Variants in ETFA observed in about 807,000 individuals in gnomAD.
ETFA encodes the protein electron transfer flavoprotein subunit alpha, mitochondrial.
In ETFA, 22 loss-of-function variants were observed where a neutral mutation model predicts 46.2. The ratio of observed to expected loss-of-function variants is 0.48; its 90% CI spans 0.34 to 0.68. The LOEUF (loss-of-function observed/expected upper bound fraction) is 0.68. Ranked by LOEUF, ETFA falls within the 30% of genes least tolerant of loss-of-function variation. The pLI, the probability that ETFA is intolerant of heterozygous loss-of-function variation, is 0.01. For synonymous variants in ETFA, 131 were observed against 139.9 expected, an observed-to-expected ratio of 0.94 and a Z score of 0.45; for missense variants, 345 against 401.1, an observed-to-expected ratio of 0.86 and a Z score of 1.19.
chr15:76,247,819 C>G (rs2039258323), intron 9 of ETFA, among the ~76,000 whole-genome samples: 2 of 152,120 alleles, frequency 1.3e-5, no homozygotes, highest in African/African-American at 4.8e-5. Context: ...ATGCATAATG[C>G]AGATTTTTAC....
intron 9 of ETFA, among the ~76,000 whole-genome samples, chr15:76,271,754 G>C (rs1202579575): frequency 1.3e-5 from 2 of 152,082 alleles, no homozygotes; most frequent in Admixed American, 1.3e-4. Context: ...TTACTCAAAT[G>C]GCCCATAAAA....
At chr15:76,225,781 C>A in intron 11 of ETFA, 68 bp downstream of exon 11, 1 of 974,484 alleles carries the variant, frequency 1.0e-6, no homozygotes, top group South Asian at 1.3e-5. Flanking sequence ...AGCTTCATCC[C>A]TAACCATTTC....
intron 1 of ETFA, among the ~76,000 whole-genome samples, chr15:76,307,030 C>T (rs1341180984): frequency 2.0e-5 from 3 of 152,096 alleles, no homozygotes; most frequent in African/African-American, 7.2e-5. Context: ...TCCTTCACAC[C>T]AGTTTCATAG....
chr15:76,239,689 C>T (rs1199216023), intron 9 of ETFA, among the ~76,000 whole-genome samples: 2 of 151,568 alleles, frequency 1.3e-5, no homozygotes, highest in East Asian at 3.9e-4. Context: ...GCTGAAGTCA[C>T]CAGTCTGTTA....
chr15:76,260,919 G>A (rs1462938580), intron 9 of ETFA: 37 of 1,611,748 alleles, frequency 2.3e-5, no homozygotes, highest in Non-Finnish European at 3.1e-5. Context: ...TGGGGCCTGT[G>A]TCACCTGAAC....
chr15:76,271,914 T>TATAC (rs2039537230), intron 9 of ETFA, among the ~76,000 whole-genome samples: 2 of 148,712 alleles, frequency 1.3e-5, no homozygotes, highest in African/African-American at 4.9e-5. Flanking sequence ...TGTGTGTATA[T>TATAC]ACACACACAC....
At position 76,252,939 on chromosome 15, in the gene ETFA, ATTAT is replaced by A. The variant is rs1221119914; in HGVS notation, c.816+21469_816+21472del. 2.9e-5 allele frequency among the ~76,000 whole-genome samples: 4 copies of A among 139,770 alleles called. No homozygotes were observed. The Admixed American group carries it at 3.1e-4, about 11-fold the overall frequency. 91.7% of individuals were successfully genotyped at this position (139,770 alleles called of 152,430 possible). Reference sequence around the variant, plus strand: ...TTTTAAAGAGATGGGGTCTTGCTGCATTATGCAAGCTGGAGTGCAGTGGCTGTTG... The same window carrying A: ...TTTTAAAGAGATGGGGTCTTGCTGCAGCAAGCTGGAGTGCAGTGGCTGTTG... On this transcript the variant is annotated intron_variant, in intron 9 of 11. Transcript: ENST00000557943.
intron 1 of ETFA, among the ~76,000 whole-genome samples, chr15:76,310,369 GAAAAAAAAAAAA>G (rs34111559): frequency 2.9e-5 from 3 of 104,462 alleles, no homozygotes; most frequent in East Asian, 5.0e-4. Flanking sequence ...TCCATGCCCA[GAAAAAAAAAAAA>G]AAAAAAAAAA....
intron 9 of ETFA, among the ~76,000 whole-genome samples, chr15:76,257,806 G>A (rs1227576928): frequency 6.6e-6 from 1 of 151,676 alleles, no homozygotes; most frequent in Admixed American, 6.6e-5. Context: ...AAGAAAATGT[G>A]GCACATATAC....
At chr15:76,217,668 T>G in intron 11 of ETFA, 1 of 453,524 alleles carries the variant, frequency 2.2e-6, no homozygotes, top group Non-Finnish European at 4.4e-6. Flanking sequence ...AGGAGAGCTG[T>G]CCAAGGGGGC....
chr15:76,252,030 A>G (rs2039303735), intron 9 of ETFA, among the ~76,000 whole-genome samples: 1 of 152,168 alleles, frequency 6.6e-6, no homozygotes, highest in South Asian at 2.1e-4. Flanking sequence ...ATGTGCCATT[A>G]GTTTGTTTTT....
At chr15:76,278,897 A>C (rs961946150) in intron 8 of ETFA, among the ~76,000 whole-genome samples, 6 of 152,234 alleles carry the variant, frequency 3.9e-5, no homozygotes, top group Non-Finnish European at 8.8e-5. Flanking sequence ...ACTGAGGGAG[A>C]ATAAGGGAGT....
intron 8 of ETFA, among the ~76,000 whole-genome samples, chr15:76,279,228 A>G (rs1027697638): frequency 1.3e-5 from 2 of 152,208 alleles, no homozygotes; most frequent in Non-Finnish European, 2.9e-5. Context: ...GTGCTGCTCA[A>G]GAGCATTATC....
At chr15:76,255,643 C>T (rs1340966723) in intron 9 of ETFA, among the ~76,000 whole-genome samples, 1 of 152,166 alleles carries the variant, frequency 6.6e-6, no homozygotes, top group Non-Finnish European at 1.5e-5. Context: ...GTGTTTCCTG[C>T]TTTACTTCTA....
chr15:76,274,277 G>A, intron 9 of ETFA, 135 bp downstream of exon 9: 1 of 734,642 alleles, frequency 1.4e-6, no homozygotes, highest in Non-Finnish European at 2.4e-6. Flanking sequence ...TTGTGAAAAT[G>A]ACATATTCAC....
At chr15:76,268,868 C>T (rs2039499810) in intron 9 of ETFA, among the ~76,000 whole-genome samples, 2 of 152,164 alleles carry the variant, frequency 1.3e-5, no homozygotes, top group Non-Finnish European at 2.9e-5. Flanking sequence ...AAAAAGAGGA[C>T]CTTTTGGATT....
At chr15:76,267,209 T>C (rs1388827811) in intron 9 of ETFA, among the ~76,000 whole-genome samples, 2 of 152,234 alleles carry the variant, frequency 1.3e-5, no homozygotes, top group Non-Finnish European at 2.9e-5. Flanking sequence ...CAGGAGTTTA[T>C]AGTTCAACAG....
At chr15:76,260,875 C>T in intron 9 of ETFA, 3 of 1,611,922 alleles carry the variant, frequency 1.9e-6, no homozygotes, top group Non-Finnish European at 2.5e-6. Context: ...AAGGGGGGCA[C>T]AAGGACCACA....
chr15:76,303,956 G>A (rs1241100933), intron 1 of ETFA, among the ~76,000 whole-genome samples: 1 of 152,212 alleles, frequency 6.6e-6, no homozygotes, highest in Non-Finnish European at 1.5e-5. Context: ...AAAGGAATAT[G>A]AACCATTCTA....
Sources: gnomAD v4.1 joint callset for allele counts (sites outside exome capture counted in the v4.1 genomes callset) on GRCh38, gnomAD v4.1.1 for gene constraint, MANE v1.5 for transcripts, NCBI Gene and HGNC (gene_info 2026-07-23, HGNC 2026-07-21) for gene names.